EPB41L4B: variants seen among roughly 807,000 people sequenced by gnomAD.
EPB41L4B encodes erythrocyte membrane protein band 4.1 like 4B.
A neutral mutation model predicts 112.5 loss-of-function variants in EPB41L4B; 30 were observed. The ratio of observed to expected loss-of-function variants is 0.27; its 90% CI spans 0.20 to 0.36. The LOEUF is 0.36. Among genes scored for constraint, EPB41L4B ranks in the 10% least tolerant of loss-of-function variants. The pLI is 1.00. For missense variants in EPB41L4B, 1,024 were observed against 1,133.3 expected (o/e 0.90, Z 1.38); for synonymous variants, 408 against 439.7 (o/e 0.93, Z 0.90).
At chr9:109,198,705 C>T (rs576190916) in intron 20 of EPB41L4B, among the ~76,000 whole-genome samples, 26 of 152,082 alleles carry the variant, frequency 1.7e-4, no homozygotes, top group Non-Finnish European at 3.4e-4. Context: ...GTCAGGAGTT[C>T]GAAACCAGCC....
chr9:109,230,571 G>A (rs564766300), intron 15 of EPB41L4B, among the ~76,000 whole-genome samples: 22 of 152,248 alleles, frequency 1.4e-4, no homozygotes, highest in African/African-American at 4.8e-4. Context: ...GATAGCTGTC[G>A]CTTATTTCAA....
chr9:109,225,292 A>G (rs1833719018), intron 15 of EPB41L4B, among the ~76,000 whole-genome samples: 1 of 152,262 alleles, frequency 6.6e-6, no homozygotes, highest in Non-Finnish European at 1.5e-5. Context: ...GCACAAGGAT[A>G]AAGACAAATG....
intron 1 of EPB41L4B, among the ~76,000 whole-genome samples, chr9:109,302,968 C>A (rs1182587288): frequency 1.3e-5 from 2 of 151,754 alleles, no homozygotes; most frequent in African/African-American, 4.8e-5. Context: ...GCAGTCCCAG[C>A]TACTCAAGAG....
At chr9:109,317,761 G>T (rs1031721542) in intron 1 of EPB41L4B, among the ~76,000 whole-genome samples, 2 of 152,188 alleles carry the variant, frequency 1.3e-5, no homozygotes, top group African/African-American at 4.8e-5. Flanking sequence ...ATCCTATCTT[G>T]CGACAAGCAG....
At chr9:109,213,609 C>T (rs1369935910) in intron 17 of EPB41L4B, 91 bp downstream of exon 17, 2 of 1,015,460 alleles carry the variant, frequency 2.0e-6, no homozygotes, top group Non-Finnish European at 3.1e-6. Context: ...AAGGCAAAGG[C>T]ACTTGGTTTA....
In EPB41L4B at chr9:109,216,885, C is replaced by T. The variant is rs879248985; in HGVS notation, c.1633+37G>A. On this transcript the variant is annotated intron_variant, in intron 16 of 25. Transcript: ENST00000374566. ...ACTCTCGTGCCCTGCAGCATTGCTC[C>T]CCCTTCTCCTGCCTTGCCCCCTCCA... 2.5e-6 allele frequency: 4 copies of T among 1,595,260 alleles called. No individual in the cohort carries two copies. The South Asian group carries it at 4.4e-5, about 18-fold the overall frequency.
intron 20 of EPB41L4B, among the ~76,000 whole-genome samples, chr9:109,198,690 T>C (rs1047821554): frequency 2.6e-5 from 4 of 152,092 alleles, no homozygotes; most frequent in African/African-American, 9.7e-5. Context: ...GGTGGATCAC[T>C]TGAGGTCAGG....
At chr9:109,191,389 C>T (rs1228073407) in intron 22 of EPB41L4B, among the ~76,000 whole-genome samples, 1 of 152,178 alleles carries the variant, frequency 6.6e-6, no homozygotes, top group Non-Finnish European at 1.5e-5. Context: ...TTGTCCCATG[C>T]CTGAGCAGTG....
intron 24 of EPB41L4B, among the ~76,000 whole-genome samples, chr9:109,178,771 AAAG>A (rs147642058): frequency 0.028 from 4,213 of 152,142 alleles, 90 homozygotes; most frequent in African/African-American, 0.055. Context: ...CTTTCTGAAA[AAAG>A]AGGAAAATTT....
intron 1 of EPB41L4B, among the ~76,000 whole-genome samples, chr9:109,313,523 G>A (rs193103436): frequency 5.3e-5 from 8 of 152,328 alleles, no homozygotes; most frequent in East Asian, 1.9e-4. Flanking sequence ...CTGGGCTGGC[G>A]AGAGTCGAGA....
At chr9:109,237,522 A>G (rs1834189425) in intron 15 of EPB41L4B, among the ~76,000 whole-genome samples, 1 of 152,222 alleles carries the variant, frequency 6.6e-6, no homozygotes. Flanking sequence ...CTTTGGAAGG[A>G]AGCCATAGAG....
At chr9:109,182,245 A>T (rs1832089383) in intron 24 of EPB41L4B, among the ~76,000 whole-genome samples, 2 of 152,204 alleles carry the variant, frequency 1.3e-5, no homozygotes, top group Non-Finnish European at 2.9e-5. Context: ...AAAGAAATGA[A>T]GTATTGATAC....
At chr9:109,284,705 G>A (rs1836203944) in intron 1 of EPB41L4B, among the ~76,000 whole-genome samples, 1 of 152,210 alleles carries the variant, frequency 6.6e-6, no homozygotes, top group South Asian at 2.1e-4. Context: ...CCCACGCCTG[G>A]CTTCTCCCCA....
In EPB41L4B at chr9:109,253,485, T is replaced by C. The variant is rs763402488; in HGVS notation, c.1235A>G (p.Lys412Arg). 6.2e-7 allele frequency: 1 copy of C among 1,614,028 alleles called. No homozygotes were observed. Among genetic ancestry groups the C allele is most frequent in the Non-Finnish European group, 8.5e-7 (1 of 1,179,894 alleles). Residue 412 changes from lysine (K) to arginine (R), a missense_variant, in exon 12 of 26, where the codon AAG becomes AGG. Physicochemically the swap from Lys to Arg is conservative, Grantham distance 26. Transcript: ENST00000374566. ...RLRRTSTFER[K>R]PSKRYPSRRH... Reference sequence around the variant, plus strand: ...CCGGGATGGATAACGTTTACTAGGCTTCCTCTCAAAGGTGCTGGTTCTTCG... The same window carrying C: ...CCGGGATGGATAACGTTTACTAGGCCTCCTCTCAAAGGTGCTGGTTCTTCG...
At position 109,267,480 on chromosome 9, in the gene EPB41L4B, ACTC is replaced by A; in HGVS notation, c.523_525del (p.Glu175del). ...TTCTGCATCGTGGCCTACCTTGTAA[ACTC>A]CTCACGAAGGTTGTTTGGTTCTGAA... On this transcript the variant is annotated inframe_deletion, in exon 4 of 26. Coordinates refer to ENST00000374566, the MANE Select transcript of EPB41L4B (RefSeq NM_019114.5). 6.2e-7 allele frequency: 1 copy of A among 1,612,112 alleles called. No homozygotes were observed. Among genetic ancestry groups the A allele is most frequent in the Non-Finnish European group, 8.5e-7 (1 of 1,178,478 alleles).
chr9:109,192,189 A>G, intron 22 of EPB41L4B, 89 bp downstream of exon 22: 1 of 1,034,094 alleles, frequency 9.7e-7, no homozygotes, highest in South Asian at 1.6e-5. Flanking sequence ...GCTCCTCAAC[A>G]GCAATGCCCA....
At chr9:109,188,317 A>C (rs1157616097) in intron 22 of EPB41L4B, among the ~76,000 whole-genome samples, 1 of 152,168 alleles carries the variant, frequency 6.6e-6, no homozygotes, top group Non-Finnish European at 1.5e-5. Flanking sequence ...GGAAGCAGGG[A>C]CTGAAGAGCA....
intron 15 of EPB41L4B, among the ~76,000 whole-genome samples, chr9:109,238,738 C>T (rs566840181): frequency 1.2e-4 from 19 of 152,226 alleles, no homozygotes; most frequent in African/African-American, 4.3e-4. Context: ...CGTCAAGAGT[C>T]CCTGGGAGAA....
intron 13 of EPB41L4B, among the ~76,000 whole-genome samples, chr9:109,248,908 A>G (rs1834660849): frequency 6.6e-6 from 1 of 151,454 alleles, no homozygotes; most frequent in Non-Finnish European, 1.5e-5. Flanking sequence ...AAATACAAAA[A>G]ATTAGCCGGG....
Sources: gnomAD v4.1 joint callset for allele counts (sites outside exome capture counted in the v4.1 genomes callset) on GRCh38, gnomAD v4.1.1 for gene constraint, MANE v1.5 for transcripts, NCBI Gene and HGNC (gene_info 2026-07-23, HGNC 2026-07-21) for gene names.